The following KLF8 variants were observed in gnomAD, a reference collection of about 807,000 sequenced individuals.
KLF8 encodes Krueppel-like factor 8.
A neutral mutation model predicts 18.2 loss-of-function variants in KLF8; 10 were observed. The ratio of observed to expected loss-of-function variants is 0.55; its 90% CI spans 0.34 to 0.93. KLF8 has a LOEUF of 0.93. Ranked by LOEUF, KLF8 falls within the 40% of genes least tolerant of loss-of-function variation. The pLI is 0.02. For synonymous variants in KLF8, 109 were observed against 97.3 expected (o/e 1.12, Z -0.71); for missense variants, 264 against 277.9 (o/e 0.95, Z 0.36).
At chrX:56,217,324 G>A in the KLF8 span, among the ~76,000 whole-genome samples, 1 of 111,881 alleles carries the variant, frequency 8.9e-6, no homozygotes, top group African/African-American at 3.2e-5. Context: ...AACCAAATTA[G>A]AGGCTGATTG....
chrX:56,179,717 T>C, the KLF8 span, among the ~76,000 whole-genome samples: 1 of 112,040 alleles, frequency 8.9e-6, no homozygotes, highest in Non-Finnish European at 1.9e-5. Flanking sequence ...TTGAATTTTG[T>C]CAAAGGCCTT....
the KLF8 span, among the ~76,000 whole-genome samples, chrX:56,210,551 A>G: frequency 9.0e-6 from 1 of 110,620 alleles, no homozygotes; most frequent in Admixed American, 9.7e-5. Context: ...GTGTTCTATA[A>G]CCTACTTATA....
the KLF8 span, among the ~76,000 whole-genome samples, chrX:55,918,510 G>A: frequency 8.9e-6 from 1 of 112,076 alleles, no homozygotes; most frequent in Admixed American, 9.5e-5. Context: ...CCACAAAATG[G>A]GTGCCTTAAA....
At chrX:56,024,464 G>T in the KLF8 span, among the ~76,000 whole-genome samples, 1 of 111,444 alleles carries the variant, frequency 9.0e-6, no homozygotes, top group Non-Finnish European at 1.9e-5. Context: ...CACCTTTGCA[G>T]CAGGACGAGC....
chrX:55,982,796 A>G, the KLF8 span, among the ~76,000 whole-genome samples: 1 of 112,320 alleles, frequency 8.9e-6, no homozygotes, highest in South Asian at 3.7e-4. Context: ...AATGTTCTAT[A>G]TGAAAGCTAT....
chrX:56,116,543 A>C, the KLF8 span, among the ~76,000 whole-genome samples: 1 of 108,067 alleles, frequency 9.3e-6, no homozygotes, highest in Non-Finnish European at 1.9e-5. Flanking sequence ...GATGGGCATC[A>C]GCTGGATGTG....
chrX:56,161,329 C>A, the KLF8 span, among the ~76,000 whole-genome samples: 1 of 111,670 alleles, frequency 9.0e-6, no homozygotes, highest in Non-Finnish European at 1.9e-5. Flanking sequence ...TGCTAAATTG[C>A]GGAAGTTCTC....
At chrX:55,964,837 T>G in the KLF8 span, among the ~76,000 whole-genome samples, 1 of 111,358 alleles carries the variant, frequency 9.0e-6, no homozygotes, top group South Asian at 3.8e-4. Context: ...AATACACAAC[T>G]TTTCAAGATT....
intron 5 of KLF8, among the ~76,000 whole-genome samples, chrX:56,283,330 A>G (rs1893774761): frequency 9.0e-6 from 1 of 111,616 alleles, no homozygotes; most frequent in Admixed American, 9.5e-5. Flanking sequence ...GCCCTTTCCA[A>G]TGAATCACAC....
At chrX:55,976,520 G>A in the KLF8 span, among the ~76,000 whole-genome samples, 1 of 109,136 alleles carries the variant, frequency 9.2e-6, no homozygotes, top group Non-Finnish European at 1.9e-5. Context: ...TTTTATCTAC[G>A]TTGTCACAAA....
the KLF8 span, among the ~76,000 whole-genome samples, chrX:55,955,979 T>C: frequency 1.8e-5 from 2 of 111,393 alleles, no homozygotes; most frequent in African/African-American, 6.5e-5. Context: ...TCTGCATCCA[T>C]TTAGAGGAGA....
the KLF8 span, among the ~76,000 whole-genome samples, chrX:55,916,877 A>G: frequency 9.0e-6 from 1 of 111,672 alleles, no homozygotes; most frequent in East Asian, 2.8e-4. Context: ...TTACTGAAGT[A>G]GCAGTTGATA....
chrX:56,216,513 G>GATTTATTT, the KLF8 span, among the ~76,000 whole-genome samples: 2,949 of 91,043 alleles, frequency 0.032, 64 homozygotes, highest in Non-Finnish European at 0.041. Context: ...TCTGGCTGCT[G>GATTTATTT]ATTTATTTAT....
the KLF8 span, among the ~76,000 whole-genome samples, chrX:56,226,826 G>C: frequency 8.9e-6 from 1 of 111,941 alleles, no homozygotes; most frequent in Non-Finnish European, 1.9e-5. Context: ...TAAATACCCT[G>C]CTGGCCTGAC....
chrX:56,286,583 G>A lies in KLF8; in HGVS notation c.*2089G>A, dbSNP rs1318584057. 1 of 112,687 alleles carries A rather than the reference G, an allele frequency of 8.9e-6. No homozygotes were observed. Among genetic ancestry groups the A allele is most frequent in the Non-Finnish European group, 1.9e-5 (1 of 53,365 alleles). The allele number at this position is 112,687 out of a possible 1,213,427, so 9.3% of individuals were successfully genotyped here. A position where few individuals can be genotyped will look rare whatever the true frequency, so the allele number is the denominator to read the frequency against. On this transcript the variant is annotated 3_prime_UTR_variant, in exon 6 of 6. Coordinates refer to ENST00000468660, the MANE Select transcript of KLF8 (RefSeq NM_007250.5). ...CAGCTGATTAAATAGCAAGTAAAATGTACTTGTGGTCATTGCCGTATAACA... is the reference window on the plus strand; with the variant it reads ...CAGCTGATTAAATAGCAAGTAAAATATACTTGTGGTCATTGCCGTATAACA...
the KLF8 span, among the ~76,000 whole-genome samples, chrX:56,013,414 G>T: frequency 9.0e-6 from 1 of 111,729 alleles, no homozygotes; most frequent in Admixed American, 9.5e-5. Flanking sequence ...GGAATTTTGG[G>T]TTAATGCTGG....
upstream of KLF8, among the ~76,000 whole-genome samples, chrX:56,228,068 A>G (rs1399250248): frequency 1.8e-5 from 2 of 111,811 alleles, no homozygotes; most frequent in African/African-American, 6.5e-5. Context: ...CCATTCCTAA[A>G]CCAAATTTAA....
chrX:56,133,939 T>C, the KLF8 span, among the ~76,000 whole-genome samples: 1 of 109,952 alleles, frequency 9.1e-6, no homozygotes, highest in Admixed American at 9.7e-5. Context: ...AAAAAAATAC[T>C]TAGGAATATA....
At chrX:55,986,656 T>A in the KLF8 span, among the ~76,000 whole-genome samples, 2 of 112,295 alleles carry the variant, frequency 1.8e-5, no homozygotes, top group Non-Finnish European at 1.9e-5. Flanking sequence ...GAGAAATGTT[T>A]TTTCACGTTA....
Sources: allele counts gnomAD v4.1 joint callset (sites outside exome capture counted in the v4.1 genomes callset), GRCh38; gene constraint gnomAD v4.1.1; transcripts MANE v1.5; gene names NCBI Gene and HGNC (gene_info 2026-07-23, HGNC 2026-07-21).